Variants in MRPS35 observed in about 807,000 individuals in gnomAD.
The protein encoded by MRPS35 is small ribosomal subunit protein mS35.
A neutral mutation model predicts 32.7 loss-of-function variants in MRPS35; 29 were observed. The ratio of observed to expected loss-of-function variants is 0.89; its 90% confidence interval spans 0.66 to 1.21. The LOEUF (loss-of-function observed/expected upper bound fraction) is 1.21. MRPS35 is among the 50% of genes most tolerant of loss of function. MRPS35 has a pLI of 0.00. For missense variants in MRPS35, 373 were observed against 383.8 expected (o/e 0.97, Z 0.23); for synonymous variants, 148 against 139.3 (o/e 1.06, Z -0.44).
chr12:27,719,978 T>C, intron 4 of MRPS35, 110 bp downstream of exon 4: 1 of 783,628 alleles, frequency 1.3e-6, no homozygotes, highest in South Asian at 1.7e-5. Flanking sequence ...TTCAGTGAAT[T>C]GTTACATGTC....
Position 27,755,186 on chromosome 12 carries a change from T to C in MRPS35, c.708T>C (p.Thr236=). 1 of 1,533,880 alleles carries C rather than the reference T, an allele frequency of 6.5e-7. No individual in the cohort carries two copies. The highest frequency in any genetic ancestry group is 2.3e-5 in the Admixed American group (1 of 43,298). Residue 236 remains threonine (T), a synonymous_variant, in exon 8 of 8, where the codon ACT becomes ACC. Transcript: ENST00000081029. ...TTTGTTTTGTTTTGTTTCAGAATAC[T>C]GAAGAATGGGAAAAAAGTAAGACTG... ...LTVLYHESWN[T]EEWEKSKTEA...
At chr12:27,714,433 A>G (rs1020795045) in intron 1 of MRPS35, among the ~76,000 whole-genome samples, 2 of 151,984 alleles carry the variant, frequency 1.3e-5, no homozygotes, top group Non-Finnish European at 2.9e-5. Context: ...TAAAAATACA[A>G]AAATTAGCCA....
rs937966255 is a variant in MRPS35, at chr12:27,721,548, A to G, written c.382+1680A>G. Among the ~76,000 whole-genome samples the G allele has an allele frequency of 5.3e-5, 8 of 152,068 alleles. No homozygotes were observed. In the South Asian group the frequency reaches 1.2e-3, roughly 24 times the overall value. On this transcript the variant is annotated intron_variant, in intron 4 of 7. Coordinates refer to ENST00000081029, the MANE Select transcript of MRPS35 (RefSeq NM_021821.4). ...GTGGCATGTGCCTGTAGTCCCGGCT[A>G]CTCGGGGGCCTGAGGCAGGAGGATT...
At chr12:27,717,788 T>C (rs763643099) in intron 3 of MRPS35, among the ~76,000 whole-genome samples, 2 of 152,224 alleles carry the variant, frequency 1.3e-5, no homozygotes, top group Non-Finnish European at 2.9e-5. Context: ...AATGACATTT[T>C]AATAAACATA....
rs1477920592 is a variant in MRPS35 at position 27,755,389 on chromosome 12, A to G, written c.911A>G (p.Glu304Gly). The change falls in exon 8 of 8, where the codon GAA becomes GGA. Residue 304 changes from glutamate to glycine, a missense_variant. Transcript: ENST00000081029. ...GTTGTTAGTCTTAAAAATGAGGAGG[A>G]AAATGAAAATTCCATTTCTCAGTAC... is the stretch of plus-strand genomic sequence containing the variant. ...KSVVSLKNEE[E>G]NENSISQYKE... The G allele has an allele frequency of 1.2e-6, 2 of 1,600,306 alleles. No individual in the cohort carries two copies. Among genetic ancestry groups the G allele is most frequent in the African/African-American group, 1.4e-5 (1 of 74,010 alleles).
chr12:27,752,244 A>G (rs866449680), intron 7 of MRPS35, among the ~76,000 whole-genome samples: 2 of 152,158 alleles, frequency 1.3e-5, no homozygotes, highest in Non-Finnish European at 2.9e-5. Context: ...AGGGTGCTTC[A>G]TTCTGCTGCC....
chr12:27,737,597 C>G lies in MRPS35; in HGVS notation c.691C>G (p.His231Asp), dbSNP rs1276113746. ...AGTGTATCTACTAACAGTGTTATAC[C>G]ATGAGTCTTGGGTAAGTGTGTGTGA... ...YAVYLLTVLY[H>D]ESWNTEEWEK... Residue 231 changes from histidine (H) to aspartate (D), a missense_variant, in exon 7 of 8, where the codon CAT becomes GAT. Physicochemically the swap from His to Asp is moderately conservative, Grantham distance 81. Transcript: ENST00000081029. 2.5e-6 allele frequency: 4 copies of G among 1,608,030 alleles called. No individual in the cohort carries two copies. The highest frequency in any genetic ancestry group is 2.2e-5 in the South Asian group (2 of 90,746).
intron 6 of MRPS35, 30 bp downstream of exon 6, chr12:27,735,586 C>A: frequency 6.6e-7 from 1 of 1,505,812 alleles, no homozygotes; most frequent in South Asian, 1.2e-5. Context: ...GCCGACTGGT[C>A]ACGTGTGTTT....
intron 1 of MRPS35, among the ~76,000 whole-genome samples, chr12:27,713,081 C>CT (rs1214489133): frequency 6.6e-6 from 1 of 152,210 alleles, no homozygotes. Context: ...CCTTCAGCCT[C>CT]TTTTCTCTCT....
intron 4 of MRPS35, among the ~76,000 whole-genome samples, chr12:27,722,477 G>A (rs75025458): frequency 0.012 from 1,838 of 151,700 alleles, 43 homozygotes; most frequent in African/African-American, 0.041. Context: ...TTTTAAAACT[G>A]TAATTATCAT....
At chr12:27,729,065 CTG>C (rs2061911328) in intron 5 of MRPS35, among the ~76,000 whole-genome samples, 1 of 152,120 alleles carries the variant, frequency 6.6e-6, no homozygotes, top group Non-Finnish European at 1.5e-5. Context: ...AACAAGTAAT[CTG>C]TGGGTGGATA....
intron 4 of MRPS35, among the ~76,000 whole-genome samples, chr12:27,722,381 T>C (rs2061879960): frequency 6.6e-6 from 1 of 152,224 alleles, no homozygotes; most frequent in African/African-American, 2.4e-5. Context: ...TTGCTCTACC[T>C]ATCAGATGAG....
chr12:27,750,804 CAAAAAAG>C (rs555492656), intron 7 of MRPS35, among the ~76,000 whole-genome samples: 4 of 151,436 alleles, frequency 2.6e-5, no homozygotes, highest in Non-Finnish European at 5.9e-5. Flanking sequence ...GACCCTGTTT[CAAAAAAG>C]AAAAAAGAAG....
chr12:27,745,318 A>G (rs1270890830), intron 7 of MRPS35, among the ~76,000 whole-genome samples: 1 of 152,230 alleles, frequency 6.6e-6, no homozygotes, highest in African/African-American at 2.4e-5. Flanking sequence ...GCCCAAGGTT[A>G]CAGAGCTTTT....
At chr12:27,738,444 A>T (rs2061950943) in intron 7 of MRPS35, among the ~76,000 whole-genome samples, 1 of 152,172 alleles carries the variant, frequency 6.6e-6, no homozygotes, top group South Asian at 2.1e-4. Flanking sequence ...TATTTAAATA[A>T]TATTAAAAAT....
At chr12:27,710,978 C>A in intron 1 of MRPS35, 23 bp downstream of exon 1, 6 of 1,602,758 alleles carry the variant, frequency 3.7e-6, no homozygotes, top group African/African-American at 1.3e-5. Context: ...CTCGTCTTCT[C>A]TGGGCTTTGG....
rs1411368827 is a variant in MRPS35 at position 27,716,328 on chromosome 12, A to G, written c.191A>G (p.Gln64Arg). ...AGGACAGAGAAAATGGCTGTTGACC[A>G]GGACTGGCCTAGTGTTTACCCAGTT... ...PPRTEKMAVD[Q>R]DWPSVYPVAA... The change falls in exon 3 of 8, where the codon CAG (glutamine) becomes CGG (arginine). Residue 64 changes from glutamine (Q) to arginine (R), a missense_variant. Gln to Arg is a conservative substitution (Grantham distance 43). Coordinates refer to ENST00000081029, the MANE Select transcript of MRPS35 (RefSeq NM_021821.4). 1.2e-6 allele frequency: 2 copies of G among 1,612,886 alleles called. No homozygotes were observed. Among genetic ancestry groups the G allele is most frequent in the Admixed American group, 1.7e-5 (1 of 59,748 alleles).
At chr12:27,743,484 C>T (rs967363481) in intron 7 of MRPS35, among the ~76,000 whole-genome samples, 1 of 151,908 alleles carries the variant, frequency 6.6e-6, no homozygotes, top group Non-Finnish European at 1.5e-5. Flanking sequence ...GCCGAGATGG[C>T]GCCACTGCAC....
intron 7 of MRPS35, among the ~76,000 whole-genome samples, chr12:27,744,849 G>A (rs1219548102): frequency 7.2e-6 from 1 of 138,206 alleles, no homozygotes; most frequent in African/African-American, 2.7e-5. Context: ...AGTTAACTGG[G>A]TCTCTGTCTC....
Sources: allele counts gnomAD v4.1 joint callset (sites outside exome capture counted in the v4.1 genomes callset), GRCh38; gene constraint gnomAD v4.1.1; transcripts MANE v1.5; gene names NCBI Gene and HGNC (gene_info 2026-07-23, HGNC 2026-07-21).